The following KCTD20 variants were observed in gnomAD, a reference collection of about 807,000 sequenced individuals.
KCTD20 encodes BTB/POZ domain-containing protein KCTD20.
In KCTD20, 30 loss-of-function variants were observed where a neutral mutation model predicts 39.6. That is an observed-to-expected ratio of 0.76 (90% CI 0.57 to 1.03). KCTD20 has a LOEUF of 1.03. Ranked by LOEUF, KCTD20 falls within the 50% of genes least tolerant of loss-of-function variation. The probability of loss-of-function intolerance (pLI) is 0.00; values close to 1 mark genes in which losing one functional copy is unlikely to be tolerated. For missense variants in KCTD20, 422 were observed against 522.0 expected (o/e 0.81, Z 1.87); for synonymous variants, 162 against 180.6 (o/e 0.90, Z 0.83).
chr6:36,475,008 G>A lies in KCTD20; in HGVS notation c.380G>A (p.Arg127His), dbSNP rs576744140. ...GTGACGCTTCTTGTAGATGGCACAC[G>A]TTTTGTTGTGAATCCACAGATTTTC... The part of the protein sequence containing the change: ...EKVTLLVDGT[R>H]FVVNPQIFTA... Residue 127 changes from arginine to histidine, a missense_variant, in exon 3 of 8, where the codon CGT (arginine) becomes CAT (histidine). By Grantham distance (29) the Arg-to-His change is conservative (BLOSUM62 0). Coordinates refer to ENST00000373731, the MANE Select transcript of KCTD20 (RefSeq NM_173562.5). 1.5e-5 allele frequency: 25 copies of A among 1,614,112 alleles called. No individual in the cohort carries two copies. The highest frequency in any genetic ancestry group is 6.7e-5 in the African/African-American group (5 of 75,018).
At chr6:36,486,489 C>A (rs1424501024) in intron 7 of KCTD20, among the ~76,000 whole-genome samples, 1 of 152,190 alleles carries the variant, frequency 6.6e-6, no homozygotes, top group Non-Finnish European at 1.5e-5. Context: ...ATTTCCTTAA[C>A]TGTTTCTCAT....
chr6:36,457,824 G>A (rs79290516), intron 1 of KCTD20, among the ~76,000 whole-genome samples: 2,327 of 152,276 alleles, frequency 0.015, 54 homozygotes, highest in African/African-American at 0.052. Context: ...ATGTTTTTCC[G>A]GGGGTAGGAT....
chr6:36,469,917 A>G lies in KCTD20; in HGVS notation c.-46-135A>G, dbSNP rs756070957. Reference sequence around the variant, plus strand: ...TGATTCCTATCGATATAAAAATCACAAAAATGTTTAAGATGCCTATTTCTC... The same window carrying G: ...TGATTCCTATCGATATAAAAATCACGAAAATGTTTAAGATGCCTATTTCTC... On this transcript the variant is annotated intron_variant, in intron 1 of 7. Transcript: ENST00000373731. This position sits in a 1 kb window ranked among gnomAD's most constrained non-coding sequence, Gnocchi z 4.6. The G allele has an allele frequency of 2.4e-5, 11 of 449,282 alleles. No homozygotes were observed. The highest frequency in any genetic ancestry group is 3.9e-5 in the Non-Finnish European group (10 of 256,792). 27.8% of individuals were successfully genotyped at this position (449,282 alleles called of 1,614,324 possible).
chr6:36,446,215 A>C (rs1026338297), intron 1 of KCTD20, among the ~76,000 whole-genome samples: 20 of 151,930 alleles, frequency 1.3e-4, no homozygotes, highest in Non-Finnish European at 2.6e-4. Context: ...TTTAGTTGGG[A>C]CGGGATTTCA....
chr6:36,460,206 A>C (rs1255130580), intron 1 of KCTD20, among the ~76,000 whole-genome samples: 1 of 152,220 alleles, frequency 6.6e-6, no homozygotes, highest in Non-Finnish European at 1.5e-5. Context: ...GACCTTAACT[A>C]GTTAAGTTCA....
At chr6:36,461,110 T>A (rs1775589337) in intron 1 of KCTD20, among the ~76,000 whole-genome samples, 1 of 152,188 alleles carries the variant, frequency 6.6e-6, no homozygotes. Flanking sequence ...TTTGCAGTAA[T>A]TTGACATATG....
chr6:36,456,381 C>T (rs972308191), intron 1 of KCTD20, among the ~76,000 whole-genome samples: 32 of 152,218 alleles, frequency 2.1e-4, no homozygotes, highest in African/African-American at 6.0e-4. Flanking sequence ...CGGGTTCAAG[C>T]GATTCTCCTG....
At chr6:36,470,283 T>C (rs774177463) in intron 2 of KCTD20, 26 bp downstream of exon 2, 2 of 1,569,994 alleles carry the variant, frequency 1.3e-6, no homozygotes, top group East Asian at 2.3e-5. Flanking sequence ...CTTGACTTAA[T>C]TTGGGGGGCT....
At chr6:36,482,945 CAAAAAAAAA>C (rs1193405719) in intron 6 of KCTD20, among the ~76,000 whole-genome samples, 23 of 82,426 alleles carry the variant, frequency 2.8e-4, no homozygotes, top group African/African-American at 8.1e-4. Flanking sequence ...GACTACGTCT[CAAAAAAAAA>C]AAAAAAAAAA....
chr6:36,478,081 C>T (rs1293372818), intron 3 of KCTD20, among the ~76,000 whole-genome samples: 2 of 122,750 alleles, frequency 1.6e-5, no homozygotes, highest in African/African-American at 3.7e-5. Flanking sequence ...GGCAACAGAG[C>T]GAAACTCCAT....
Position 36,479,119 on chromosome 6 carries a change from AG to A in KCTD20, c.435del. ...TAACATTATTGCCTGGATATCTTTC[AG>A]GATGTTTGGACCAGGAAGAGAGTAC... is the stretch of plus-strand genomic sequence containing the variant. On this transcript the variant is annotated splice_acceptor_variant, in intron 3 of 7. Coordinates refer to ENST00000373731, the MANE Select transcript of KCTD20 (RefSeq NM_173562.5). LOFTEE classifies it high-confidence loss of function. 6.3e-7 allele frequency: 1 copy of A among 1,592,556 alleles called. No individual in the cohort carries two copies. Among genetic ancestry groups the A allele is most frequent in the Non-Finnish European group, 8.6e-7 (1 of 1,161,274 alleles).
chr6:36,444,845 C>T (rs1774990512), intron 1 of KCTD20, among the ~76,000 whole-genome samples: 1 of 152,226 alleles, frequency 6.6e-6, no homozygotes, highest in Admixed American at 6.5e-5. Flanking sequence ...CTTTATTCAT[C>T]CACAATTTGT....
At chr6:36,467,626 G>A (rs924618463) in intron 1 of KCTD20, among the ~76,000 whole-genome samples, 1 of 151,698 alleles carries the variant, frequency 6.6e-6, no homozygotes, top group African/African-American at 2.4e-5. Context: ...GTGAGCCACC[G>A]TGCCTGGCTC....
At chr6:36,479,386 G>GT (rs1265630424) in intron 4 of KCTD20, among the ~76,000 whole-genome samples, 163 bp downstream of exon 4, 1 of 152,098 alleles carries the variant, frequency 6.6e-6, no homozygotes, top group Non-Finnish European at 1.5e-5. Context: ...GTCCTTGCTT[G>GT]TTTGTATGTG....
intron 1 of KCTD20, among the ~76,000 whole-genome samples, chr6:36,450,163 TAAAAAAAAAA>T (rs576681021): frequency 1.9e-5 from 2 of 105,868 alleles, no homozygotes; most frequent in East Asian, 3.1e-4. Flanking sequence ...GACTCCGTCC[TAAAAAAAAAA>T]AAAAAAAAAA....
At position 36,481,738 on chromosome 6, in the gene KCTD20, A is replaced by G. The variant is rs1304163381; in HGVS notation, c.835A>G (p.Met279Val). 6.8e-6 allele frequency: 11 copies of G among 1,614,008 alleles called. No homozygotes were observed. Among genetic ancestry groups the G allele is most frequent in the Admixed American group, 1.7e-5 (1 of 60,026 alleles). The change falls in exon 6 of 8, where the codon ATG (methionine) becomes GTG (valine). Residue 279 changes from methionine (M) to valine (V), a missense_variant. Physicochemically the swap from Met to Val is conservative, Grantham distance 21. Transcript: ENST00000373731. ...VDWDEDHPPP[M>V]GEEYSQILYS... ...CTGGGATGAAGACCACCCTCCACCA[A>G]TGGGGGAGGAATATTCCCAAAGTAG...
Position 36,457,413 on chromosome 6 carries a change from A to G in KCTD20, c.-46-12639A>G, listed in dbSNP as rs1354798072. ...CTTGCTATTTTTAAGTCTGTATCCT[A>G]ATCAAATGTTGAGGCCGGGTACGGG... On this transcript the variant is annotated intron_variant, in intron 1 of 7. Transcript: ENST00000373731. Among the ~76,000 whole-genome samples the G allele has an allele frequency of 3.3e-5, 5 of 152,158 alleles. No homozygotes were observed. In the East Asian group the frequency reaches 9.6e-4, roughly 29 times the overall value.
intron 1 of KCTD20, among the ~76,000 whole-genome samples, chr6:36,465,190 G>A (rs968250631): frequency 6.6e-6 from 1 of 151,732 alleles, no homozygotes; most frequent in Non-Finnish European, 1.5e-5. Flanking sequence ...CAGTTACTCA[G>A]GAGGCTGAGG....
intron 1 of KCTD20, chr6:36,450,886 T>C: frequency 6.6e-6 from 1 of 152,244 alleles, no homozygotes; most frequent in East Asian, 1.9e-4. Flanking sequence ...GTTTTAAAAA[T>C]TTATTTTATC....
Sources: allele counts gnomAD v4.1 joint callset (sites outside exome capture counted in the v4.1 genomes callset), GRCh38; gene constraint gnomAD v4.1.1; non-coding constraint Gnocchi (gnomAD v3.1); transcripts MANE v1.5; gene names NCBI Gene and HGNC (gene_info 2026-07-23, HGNC 2026-07-21).